VSNL1: variants seen among roughly 807,000 people sequenced by gnomAD.
VSNL1 encodes the protein visinin like 1.
In VSNL1, 6 loss-of-function variants were observed where a neutral mutation model predicts 20.4. The ratio of observed to expected loss-of-function variants is 0.29; its 90% confidence interval spans 0.16 to 0.58. VSNL1 has a LOEUF of 0.58. Among genes scored for constraint, VSNL1 ranks in the 20% least tolerant of loss-of-function variants. VSNL1 has a pLI of 0.90. For missense variants in VSNL1, 100 were observed against 234.5 expected, an observed-to-expected ratio of 0.43 and a Z score of 3.75; for synonymous variants, 93 against 86.4, an observed-to-expected ratio of 1.08 and a Z score of -0.42.
intron 1 of VSNL1, among the ~76,000 whole-genome samples, chr2:17,582,230 G>A (rs1664366162): frequency 6.6e-6 from 1 of 152,134 alleles, no homozygotes; most frequent in Admixed American, 6.5e-5. Flanking sequence ...GAGGGGTGAG[G>A]GGAAGGAGGA....
chr2:17,567,811 T>G (rs1663988527), intron 1 of VSNL1: 1 of 152,182 alleles, frequency 6.6e-6, no homozygotes, highest in Non-Finnish European at 1.5e-5. Flanking sequence ...TTGAATGCTT[T>G]TCTAATAAAA....
At chr2:17,628,744 GC>G (rs1480838570) in intron 2 of VSNL1, among the ~76,000 whole-genome samples, 1 of 152,196 alleles carries the variant, frequency 6.6e-6, no homozygotes, top group Non-Finnish European at 1.5e-5. Flanking sequence ...GTTTAAAAGG[GC>G]CACAGGGAGG....
At chr2:17,646,170 C>G (rs141850997) in intron 2 of VSNL1, among the ~76,000 whole-genome samples, 84 of 152,320 alleles carry the variant, frequency 5.5e-4, no homozygotes, top group African/African-American at 1.9e-3. Context: ...ATAGCAGCTG[C>G]TCTCAATGTT....
chr2:17,634,942 T>C lies in VSNL1; in HGVS notation c.163-14468T>C, dbSNP rs1273646337. Among the ~76,000 whole-genome samples, 1 of 152,102 alleles carries C rather than the reference T, an allele frequency of 6.6e-6. No homozygotes were observed. Among genetic ancestry groups the C allele is most frequent in the Non-Finnish European group, 1.5e-5 (1 of 68,008 alleles). On this transcript the variant is annotated intron_variant, in intron 2 of 3. Coordinates refer to ENST00000295156, the MANE Select transcript of VSNL1 (RefSeq NM_003385.5). This position sits in a 1 kb window ranked among gnomAD's most constrained non-coding sequence, Gnocchi z 4.3. ...ACTGGCAGCTCGACCCCTAGCTCGT[T>C]TGAACACACATACACACGTACACAC...
At chr2:17,541,961 GC>G (rs1245635397) in intron 1 of VSNL1, among the ~76,000 whole-genome samples, 1 of 152,148 alleles carries the variant, frequency 6.6e-6, no homozygotes, top group Non-Finnish European at 1.5e-5. Flanking sequence ...TTCTAGAGTT[GC>G]CCTCCTGTCC....
At chr2:17,596,668 C>G (rs1365427873) in intron 2 of VSNL1, among the ~76,000 whole-genome samples, 1 of 152,156 alleles carries the variant, frequency 6.6e-6, no homozygotes, top group Non-Finnish European at 1.5e-5. Flanking sequence ...TAGAGTTTGA[C>G]TTTCAAGATT....
intron 1 of VSNL1, among the ~76,000 whole-genome samples, chr2:17,560,780 C>T (rs1424671338): frequency 6.6e-6 from 1 of 152,116 alleles, no homozygotes; most frequent in Non-Finnish European, 1.5e-5. Context: ...CAAAAGATGT[C>T]ATTAACATAG....
At chr2:17,621,306 C>T (rs184744505) in intron 2 of VSNL1, among the ~76,000 whole-genome samples, 68 of 136,202 alleles carry the variant, frequency 5.0e-4, no homozygotes, top group Admixed American at 2.9e-3. Flanking sequence ...CTTTTTCTTT[C>T]TTTCTCCTTT....
At chr2:17,551,904 A>AAAAAT (rs1558279131) in intron 1 of VSNL1, among the ~76,000 whole-genome samples, 4 of 150,838 alleles carry the variant, frequency 2.7e-5, no homozygotes, top group Non-Finnish European at 5.9e-5. Flanking sequence ...GTTAAAAAAA[A>AAAAAT]AAAAAAAAAA....
At chr2:17,551,207 T>C (rs186231396) in intron 1 of VSNL1, among the ~76,000 whole-genome samples, 1 of 152,302 alleles carries the variant, frequency 6.6e-6, no homozygotes, top group African/African-American at 2.4e-5. Context: ...ATTTCCTATA[T>C]AGTCCCCTTC....
rs559250871 is a variant in VSNL1, at chr2:17,609,150, G to A, written c.162+16914G>A. 8.5e-5 allele frequency among the ~76,000 whole-genome samples: 13 copies of A among 152,268 alleles called. No individual in the cohort carries two copies. In the East Asian group the frequency reaches 2.5e-3, roughly 29 times the overall value. On this transcript the variant is annotated intron_variant, in intron 2 of 3. Transcript: ENST00000295156. ...CCGGTTTGGTAGCTGTGCTCTGTGA[G>A]TCCTCAAGGCCTCGGTCTCTTTCTC...
intron 3 of VSNL1, among the ~76,000 whole-genome samples, chr2:17,650,428 G>A (rs764722264): frequency 1.3e-5 from 2 of 152,240 alleles, no homozygotes; most frequent in Non-Finnish European, 1.5e-5. Context: ...CTGCCCTCAC[G>A]GCTGCATGCC....
chr2:17,577,217 G>A (rs1034893197), intron 1 of VSNL1, among the ~76,000 whole-genome samples: 3 of 152,106 alleles, frequency 2.0e-5, no homozygotes, highest in African/African-American at 7.2e-5. Flanking sequence ...TCACTCTGAG[G>A]CACATGACAT....
chr2:17,618,264 G>A (rs1665266372), intron 2 of VSNL1, among the ~76,000 whole-genome samples: 1 of 152,182 alleles, frequency 6.6e-6, no homozygotes, highest in Non-Finnish European at 1.5e-5. Flanking sequence ...GATTTCATTA[G>A]GCTTGGGTTT....
chr2:17,616,787 A>C (rs1024284926), intron 2 of VSNL1, among the ~76,000 whole-genome samples: 1 of 152,238 alleles, frequency 6.6e-6, no homozygotes, highest in African/African-American at 2.4e-5. Flanking sequence ...TTTCAGAGCT[A>C]TACAGCCCCA....
At chr2:17,619,389 TTAAC>T (rs1367208542) in intron 2 of VSNL1, among the ~76,000 whole-genome samples, 3 of 152,156 alleles carry the variant, frequency 2.0e-5, no homozygotes, top group Non-Finnish European at 4.4e-5. Context: ...GTTTTTTAAG[TTAAC>T]TAACTGATGG....
At chr2:17,565,556 CT>C (rs1212975425) in intron 1 of VSNL1, among the ~76,000 whole-genome samples, 2 of 152,038 alleles carry the variant, frequency 1.3e-5, no homozygotes, top group Non-Finnish European at 2.9e-5. Flanking sequence ...CTCAAAAGTA[CT>C]TTTAGATCAT....
intron 1 of VSNL1, among the ~76,000 whole-genome samples, chr2:17,568,291 A>G (rs1664001403): frequency 6.6e-6 from 1 of 152,090 alleles, no homozygotes; most frequent in South Asian, 2.1e-4. Context: ...TTGTTTTGAC[A>G]GGGTCTTACT....
intron 1 of VSNL1, among the ~76,000 whole-genome samples, chr2:17,553,288 T>C (rs1663591460): frequency 6.6e-6 from 1 of 152,218 alleles, no homozygotes; most frequent in African/African-American, 2.4e-5. Flanking sequence ...GACATGTTTA[T>C]AGTTCTGCTG....
Sources: gnomAD v4.1 joint callset for allele counts (sites outside exome capture counted in the v4.1 genomes callset) on GRCh38, gnomAD v4.1.1 for gene constraint, Gnocchi (gnomAD v3.1) non-coding constraint, MANE v1.5 for transcripts, NCBI Gene and HGNC (gene_info 2026-07-23, HGNC 2026-07-21) for gene names.